EP300: variants seen among roughly 807,000 people sequenced by gnomAD.
EP300 encodes EP300 lysine acetyltransferase.
Under a neutral mutation model 264.0 loss-of-function variants are expected in EP300, and 31 were observed. That is an observed-to-expected ratio of 0.12 (90% CI 0.09 to 0.16). The LOEUF is 0.16. Among genes scored for constraint, EP300 ranks in the 10% least tolerant of loss-of-function variants. The probability of loss-of-function intolerance (pLI) is 1.00; values close to 1 mark genes in which losing one functional copy is unlikely to be tolerated. For synonymous variants in EP300, 1,340 were observed against 1,045.4 expected, an observed-to-expected ratio of 1.28 and a Z score of -5.44; for missense variants, 2,766 against 3,052.9, an observed-to-expected ratio of 0.91 and a Z score of 2.21.
chr22:41,179,379 T>C lies in EP300; in HGVS notation c.*423T>C, dbSNP rs1466238778. The C allele has an allele frequency of 4.7e-6, 1 of 212,880 alleles. No individual in the cohort carries two copies. Among genetic ancestry groups the C allele is most frequent in the Non-Finnish European group, 9.5e-6 (1 of 105,084 alleles). The allele number at this position is 212,880 out of a possible 1,614,324, so 13.2% of individuals were successfully genotyped here. A position where few individuals can be genotyped will look rare whatever the true frequency, so the allele number is the denominator to read the frequency against. On this transcript the variant is annotated 3_prime_UTR_variant, in exon 31 of 31. Coordinates refer to ENST00000263253, the MANE Select transcript of EP300 (RefSeq NM_001429.4). Reference sequence around the variant, plus strand: ...ATTTTTCCCTATTTTCCTCACTTTATGGAAGAGTTAAAACATTTCTAAACC... The same window carrying C: ...ATTTTTCCCTATTTTCCTCACTTTACGGAAGAGTTAAAACATTTCTAAACC...
Position 41,179,067 on chromosome 22 carries a change from G to C in EP300, c.*111G>C, listed in dbSNP as rs1320213156. 7.5e-7 allele frequency: 1 copy of C among 1,338,132 alleles called. No homozygotes were observed. The highest frequency in any genetic ancestry group is 1.9e-5 in the Admixed American group (1 of 51,528). 82.9% of individuals were successfully genotyped at this position (1,338,132 alleles called of 1,614,324 possible). A position where few individuals can be genotyped will look rare whatever the true frequency, so the allele number is the denominator to read the frequency against. The stretch of plus-strand genomic sequence containing the variant: ...CGTAGCCTAAAAGACAATTTTCCTT[G>C]GAACACATAAGAACTGTGCAGTAGC... On this transcript the variant is annotated 3_prime_UTR_variant, in exon 31 of 31. Coordinates refer to ENST00000263253, the MANE Select transcript of EP300 (RefSeq NM_001429.4).
At chr22:41,174,454 T>C (rs1023293908) in intron 29 of EP300, 2 of 152,164 alleles carry the variant, frequency 1.3e-5, no homozygotes, top group African/African-American at 4.8e-5. Context: ...AATTAGTAAA[T>C]AGAATTGGAG....
intron 6 of EP300, 54 bp downstream of exon 6, chr22:41,131,687 C>G: frequency 6.2e-7 from 1 of 1,610,672 alleles, no homozygotes; most frequent in South Asian, 1.1e-5. Flanking sequence ...TAAATGACAT[C>G]TATAAACACA....
chr22:41,173,311 C>T (rs1430976907), intron 28 of EP300, among the ~76,000 whole-genome samples: 1 of 152,186 alleles, frequency 6.6e-6, no homozygotes, highest in Non-Finnish European at 1.5e-5. Flanking sequence ...CTTCACTACC[C>T]CAAAGTGCCA....
intron 1 of EP300, among the ~76,000 whole-genome samples, chr22:41,102,362 T>C (rs1601588976): frequency 6.6e-6 from 1 of 152,174 alleles, no homozygotes; most frequent in African/African-American, 2.4e-5. Context: ...TGAGGAATTG[T>C]GTCTGATTTT....
chr22:41,147,665 G>C (rs987839385), intron 11 of EP300, among the ~76,000 whole-genome samples, 172 bp from the exon 12 acceptor site: 9 of 152,164 alleles, frequency 5.9e-5, no homozygotes, highest in Middle Eastern at 6.8e-3. Flanking sequence ...GTGAACCCAG[G>C]TGGCAGAGCT....
In EP300 at chr22:41,173,510, G is replaced by C. The variant is rs971422737; in HGVS notation, c.4618-113G>C. The C allele has an allele frequency of 5.4e-6, 6 of 1,116,466 alleles. No homozygotes were observed. In the African/African-American group the frequency reaches 9.4e-5, roughly 18 times the overall value. The allele number at this position is 1,116,466 out of a possible 1,614,324, so 69.2% of individuals were successfully genotyped here. On this transcript the variant is annotated intron_variant, in intron 28 of 30. Coordinates refer to ENST00000263253, the MANE Select transcript of EP300 (RefSeq NM_001429.4). The stretch of plus-strand genomic sequence containing the variant: ...GTGAAGAGAACAGCTAGTAAAATAA[G>C]TTACAGGCATAAGATTATGATATCT...
Position 41,117,834 on chromosome 22 carries a change from T to C in EP300, c.729+13T>C, listed in dbSNP as rs1319129637. Reference sequence around the variant, plus strand: ...CCAGCCTCTTAAGGTAAGTACAGTTTTGGTTTGTGTGCACAATCGGCATGC... The same window carrying C: ...CCAGCCTCTTAAGGTAAGTACAGTTCTGGTTTGTGTGCACAATCGGCATGC... On this transcript the variant is annotated intron_variant, in intron 2 of 30. Transcript: ENST00000263253. The C allele has an allele frequency of 8.1e-6, 13 of 1,613,492 alleles. No homozygotes were observed. The highest frequency in any genetic ancestry group is 1.1e-5 in the Non-Finnish European group (13 of 1,180,012).
chr22:41,119,562 A>C (rs2058841013), intron 2 of EP300, among the ~76,000 whole-genome samples: 1 of 152,146 alleles, frequency 6.6e-6, no homozygotes. Context: ...TATTTTATGT[A>C]ACCTACTTTC....
chr22:41,149,112 A>C lies in EP300; in HGVS notation c.2316A>C (p.Ser772=), dbSNP rs762104094. The C allele has an allele frequency of 6.2e-7, 1 of 1,613,400 alleles. No homozygotes were observed. The highest frequency in any genetic ancestry group is 8.5e-7 in the Non-Finnish European group (1 of 1,179,892). ...TCCTTCCTCAGACTCAGTTCCCATC[A>C]CAGGGAATGAATGTAACAAATATCC... ...GQFLPQTQFP[S]QGMNVTNIPL... The change falls in exon 13 of 31, where the codon TCA becomes TCC. Residue 772 remains serine, a synonymous_variant. Transcript: ENST00000263253.
chr22:41,141,586 G>A (rs912255017), intron 10 of EP300, among the ~76,000 whole-genome samples: 10 of 152,112 alleles, frequency 6.6e-5, no homozygotes, highest in African/African-American at 2.4e-4. Context: ...ACCAGGTTCA[G>A]GAGCCCTGTA....
At chr22:41,127,356 GT>G in intron 3 of EP300, 130 bp from the exon 4 acceptor site, 1 of 1,179,240 alleles carries the variant, frequency 8.5e-7, no homozygotes, top group South Asian at 1.3e-5. Context: ...TGCATTCCCT[GT>G]GTCAAAAAAT....
At chr22:41,125,191 T>A (rs555634523) in intron 2 of EP300, among the ~76,000 whole-genome samples, 1 of 143,806 alleles carries the variant, frequency 7.0e-6, no homozygotes, top group Non-Finnish European at 1.5e-5. Context: ...TGATCTCGGC[T>A]CACTGCAAGC....
chr22:41,137,356 C>CAA (rs35403189), intron 7 of EP300, among the ~76,000 whole-genome samples: 25,957 of 92,362 alleles, frequency 0.28, 4,576 homozygotes, highest in East Asian at 0.52. Context: ...GACTTTGTCT[C>CAA]AAAAAAAAAA....
intron 18 of EP300, among the ~76,000 whole-genome samples, chr22:41,158,070 CTA>C (rs2059087444): frequency 6.6e-6 from 1 of 152,174 alleles, no homozygotes; most frequent in African/African-American, 2.4e-5. Context: ...TAAAATAAGA[CTA>C]TGGTCTTGCT....
chr22:41,142,984 A>G (rs1389458502), intron 10 of EP300, among the ~76,000 whole-genome samples: 1 of 152,186 alleles, frequency 6.6e-6, no homozygotes, highest in Admixed American at 6.5e-5. Flanking sequence ...TCTGTGAGAT[A>G]TTAAATTGTA....
At chr22:41,128,988 G>A (rs2058899773) in intron 4 of EP300, among the ~76,000 whole-genome samples, 1 of 151,876 alleles carries the variant, frequency 6.6e-6, no homozygotes, top group African/African-American at 2.4e-5. Flanking sequence ...TACTGATAGT[G>A]ACGTTATTTT....
intron 5 of EP300, among the ~76,000 whole-genome samples, chr22:41,130,487 G>T (rs1398928536): frequency 6.6e-6 from 1 of 151,786 alleles, no homozygotes; most frequent in East Asian, 1.9e-4. Flanking sequence ...TATGATTGTG[G>T]CACAGCAGTC....
chr22:41,130,625 A>G (rs977142873), intron 5 of EP300, among the ~76,000 whole-genome samples: 4 of 152,234 alleles, frequency 2.6e-5, no homozygotes, highest in Admixed American at 6.5e-5. Context: ...TTATTTATAC[A>G]AACAGCAATA....
Sources: gnomAD v4.1 joint callset for allele counts (sites outside exome capture counted in the v4.1 genomes callset) on GRCh38, gnomAD v4.1.1 for gene constraint, MANE v1.5 for transcripts, NCBI Gene and HGNC (gene_info 2026-07-23, HGNC 2026-07-21) for gene names.